The following PTPRD variants were observed in gnomAD, a reference collection of about 807,000 sequenced individuals.
PTPRD encodes the protein protein tyrosine phosphatase receptor type D, also known as receptor-type tyrosine-protein phosphatase delta.
Under a neutral mutation model 214.5 loss-of-function variants are expected in PTPRD, and 34 were observed. The observed-to-expected ratio is 0.16, with a 90% confidence interval of 0.12 to 0.21. The LOEUF (loss-of-function observed/expected upper bound fraction) is 0.21, where lower values mean the gene tolerates loss of function less well. Among genes scored for constraint, PTPRD ranks in the 10% least tolerant of loss-of-function variants. The pLI, the probability that PTPRD is intolerant of heterozygous loss-of-function variation, is 1.00. For missense variants in PTPRD, 2,545 were observed against 2,398.7 expected, an observed-to-expected ratio of 1.06 and a Z score of -1.27; for synonymous variants, 1,128 against 845.7, an observed-to-expected ratio of 1.33 and a Z score of -5.79.
At chr9:9,826,711 C>G (rs2052998367) in intron 5 of PTPRD, among the ~76,000 whole-genome samples, 1 of 151,830 alleles carries the variant, frequency 6.6e-6, no homozygotes, top group African/African-American at 2.4e-5. Flanking sequence ...AGATCTTTTG[C>G]AAAGAGGGAC....
chr9:9,060,331 T>C (rs1371281922), intron 10 of PTPRD, among the ~76,000 whole-genome samples: 2 of 152,162 alleles, frequency 1.3e-5, no homozygotes. Context: ...AATTTGACTC[T>C]TATCTCACAT....
intron 12 of PTPRD, among the ~76,000 whole-genome samples, chr9:8,730,908 AAAC>A (rs2098650308): frequency 6.7e-6 from 1 of 148,522 alleles, no homozygotes; most frequent in Non-Finnish European, 1.5e-5. Flanking sequence ...TGCATTCAAG[AAAC>A]AACAAGCAAA....
At chr9:8,561,004 G>C (rs933739055) in intron 14 of PTPRD, among the ~76,000 whole-genome samples, 3 of 151,754 alleles carry the variant, frequency 2.0e-5, no homozygotes, top group Admixed American at 2.0e-4. Context: ...AGATGGGGCA[G>C]GATCCCCTTT....
chr9:9,881,738 G>T (rs574687308), intron 5 of PTPRD, among the ~76,000 whole-genome samples: 4 of 152,152 alleles, frequency 2.6e-5, no homozygotes, highest in Admixed American at 2.0e-4. Flanking sequence ...GACCTTCCAG[G>T]GTTCTGCAGC....
chr9:9,234,524 G>A (rs1047691991), intron 9 of PTPRD, among the ~76,000 whole-genome samples: 9 of 152,116 alleles, frequency 5.9e-5, no homozygotes, highest in African/African-American at 2.2e-4. Context: ...TTTCTCCCCA[G>A]AAAATTGTTT....
chr9:8,506,347 C>T (rs377458400), intron 22 of PTPRD, among the ~76,000 whole-genome samples: 4 of 151,912 alleles, frequency 2.6e-5, no homozygotes, highest in African/African-American at 9.7e-5. Context: ...CCTAATGTTC[C>T]CCATTGGATT....
chr9:10,306,907 C>T (rs1211490866), intron 3 of PTPRD, among the ~76,000 whole-genome samples: 1 of 151,938 alleles, frequency 6.6e-6, no homozygotes, highest in Non-Finnish European at 1.5e-5. Context: ...ATAATAAAAC[C>T]CTACGGTAGA....
chr9:8,328,981 C>T (rs10733546), intron 44 of PTPRD, among the ~76,000 whole-genome samples: 76,699 of 151,952 alleles, frequency 0.5, 23,478 homozygotes, highest in African/African-American at 0.86. Flanking sequence ...AACATGGTCC[C>T]TTAGCTCGGA....
intron 4 of PTPRD, among the ~76,000 whole-genome samples, chr9:10,019,193 C>T (rs963707038): frequency 5.9e-5 from 9 of 152,098 alleles, no homozygotes; most frequent in Non-Finnish European, 1.0e-4. Context: ...CCATCACTGG[C>T]CATCAGAGAA....
intron 12 of PTPRD, among the ~76,000 whole-genome samples, chr9:8,701,845 G>T (rs1213468522): frequency 1.3e-5 from 2 of 152,034 alleles, no homozygotes; most frequent in Admixed American, 6.6e-5. Context: ...AAAAGTGAGG[G>T]TTTGTTTCTC....
intron 3 of PTPRD, among the ~76,000 whole-genome samples, chr9:10,290,001 A>G (rs1380494175): frequency 6.6e-6 from 1 of 152,120 alleles, no homozygotes; most frequent in Middle Eastern, 3.2e-3. Flanking sequence ...CATTTTGGTC[A>G]ATTTGGATTT....
intron 10 of PTPRD, among the ~76,000 whole-genome samples, chr9:9,058,771 G>C (rs965173467): frequency 6.6e-6 from 1 of 151,978 alleles, no homozygotes; most frequent in African/African-American, 2.4e-5. Flanking sequence ...TTAAGCAAAG[G>C]AAAAGAAAAT....
intron 7 of PTPRD, among the ~76,000 whole-genome samples, chr9:9,612,420 G>A (rs2094563762): frequency 1.3e-5 from 2 of 152,286 alleles, no homozygotes; most frequent in Admixed American, 1.3e-4. Flanking sequence ...GTGTCTGTCT[G>A]CAACTGTGAT....
intron 3 of PTPRD, among the ~76,000 whole-genome samples, chr9:10,229,782 A>T (rs530953266): frequency 6.6e-6 from 1 of 152,060 alleles, no homozygotes; most frequent in African/African-American, 2.4e-5. Flanking sequence ...CAGCACACCA[A>T]CATAGCACAC....
intron 7 of PTPRD, among the ~76,000 whole-genome samples, chr9:9,643,689 G>A (rs2096050393): frequency 6.6e-6 from 1 of 152,102 alleles, no homozygotes; most frequent in Non-Finnish European, 1.5e-5. Flanking sequence ...AAAAAGCCCT[G>A]CTTCCTTTGT....
chr9:9,204,639 A>T (rs2132460423), intron 9 of PTPRD, among the ~76,000 whole-genome samples: 1 of 152,328 alleles, frequency 6.6e-6, no homozygotes, highest in East Asian at 1.9e-4. Flanking sequence ...TTTAAAACAA[A>T]TATTAAACCA....
intron 8 of PTPRD, among the ~76,000 whole-genome samples, chr9:9,524,110 G>A (rs2097062292): frequency 6.6e-6 from 1 of 152,154 alleles, no homozygotes; most frequent in Non-Finnish European, 1.5e-5. Flanking sequence ...TTACCAAGAG[G>A]AAAGACCCAG....
intron 8 of PTPRD, among the ~76,000 whole-genome samples, chr9:9,521,704 T>C (rs1048536994): frequency 1.5e-4 from 23 of 151,978 alleles, no homozygotes; most frequent in Non-Finnish European, 1.2e-4. Context: ...GTCAGAAAAA[T>C]GAAGTTCTAC....
chr9:8,744,609 G>A (rs1432981214), intron 11 of PTPRD, among the ~76,000 whole-genome samples: 1 of 152,174 alleles, frequency 6.6e-6, no homozygotes, highest in African/African-American at 2.4e-5. Context: ...AGGATGCAAA[G>A]GCATAAAAAT....
Sources: gnomAD v4.1 joint callset for allele counts (sites outside exome capture counted in the v4.1 genomes callset) on GRCh38, gnomAD v4.1.1 for gene constraint, MANE v1.5 for transcripts, NCBI Gene and HGNC (gene_info 2026-07-23, HGNC 2026-07-21) for gene names.